Variants in MIB1 observed in about 807,000 individuals in gnomAD.
MIB1 encodes E3 ubiquitin-protein ligase MIB1.
Under a neutral mutation model 124.5 loss-of-function variants are expected in MIB1, and 278 were observed. The observed-to-expected ratio is 2.23, with a 90% CI of 2.02 to 2.47. The LOEUF (loss-of-function observed/expected upper bound fraction) is 2.47. MIB1 is among the 30% of genes most tolerant of loss of function. The pLI is 0.00. For synonymous variants in MIB1, 446 were observed against 429.4 expected (o/e 1.04, Z -0.48); for missense variants, 957 against 1,254.4 (o/e 0.76, Z 3.58).
intron 10 of MIB1, among the ~76,000 whole-genome samples, chr18:21,810,001 TTTAGA>T (rs1389710906): frequency 1.3e-5 from 2 of 152,088 alleles, no homozygotes; most frequent in Non-Finnish European, 2.9e-5. Flanking sequence ...CAAAAAAACT[TTTAGA>T]ACAAATTTAG....
intron 1 of MIB1, among the ~76,000 whole-genome samples, chr18:21,712,470 T>C (rs1217196794): frequency 6.6e-6 from 1 of 152,204 alleles, no homozygotes; most frequent in Non-Finnish European, 1.5e-5. Flanking sequence ...GGAGCTAGAC[T>C]GTCCTTTCAG....
chr18:21,792,078 C>T (rs1416975479), intron 7 of MIB1, among the ~76,000 whole-genome samples: 1 of 152,158 alleles, frequency 6.6e-6, no homozygotes, highest in Non-Finnish European at 1.5e-5. Flanking sequence ...CTTCAACCAT[C>T]CTTCCCTTTC....
At position 21,815,804 on chromosome 18, in the gene MIB1, C is replaced by T; in HGVS notation, c.1668C>T (p.Pro556=). ...CTTTATTGGACTTTGGCTGTCATCCCAGTCTCCAGGTAAAACCTTTAAAGA... is the reference window on the plus strand; with the variant it reads ...CTTTATTGGACTTTGGCTGTCATCCTAGTCTCCAGGTAAAACCTTTAAAGA... ...VKTLLDFGCH[P]SLQDSEGDTP... is the part of the protein sequence containing the mutation. The change falls in exon 11 of 21, where the codon CCC becomes CCT. Residue 556 remains proline (P), a synonymous_variant. Coordinates refer to ENST00000261537, the MANE Select transcript of MIB1 (RefSeq NM_020774.4). The T allele has an allele frequency of 1.9e-6, 3 of 1,614,040 alleles. No individual in the cohort carries two copies. The highest frequency in any genetic ancestry group is 1.7e-6 in the Non-Finnish European group (2 of 1,179,920).
In MIB1 at chr18:21,849,247, C is replaced by CT; in HGVS notation, c.2447dup (p.Leu816PhefsTer39). 1 of 1,608,808 alleles carries CT rather than the reference C, an allele frequency of 6.2e-7. No individual in the cohort carries two copies. The highest frequency in any genetic ancestry group is 8.5e-7 in the Non-Finnish European group (1 of 1,177,544). Reference sequence around the variant, plus strand: ...CTATGATTAGTAATGATTCTGAAACCTTAGAAGAGTGTATGGTGTGCTCAG... The same window carrying CT: ...CTATGATTAGTAATGATTCTGAAACCTTTAGAAGAGTGTATGGTGTGCTCAG... On this transcript the variant is annotated frameshift_variant, in exon 17 of 21. Coordinates refer to ENST00000261537, the MANE Select transcript of MIB1 (RefSeq NM_020774.4). LOFTEE classifies it high-confidence loss of function.
chr18:21,838,891 A>T, intron 13 of MIB1, among the ~76,000 whole-genome samples: 1 of 152,222 alleles, frequency 6.6e-6, no homozygotes, highest in East Asian at 1.9e-4. Flanking sequence ...TGCAGTTTGC[A>T]GCTAAGATCA....
chr18:21,857,779 A>G (rs1296111125), intron 19 of MIB1, among the ~76,000 whole-genome samples: 3 of 152,234 alleles, frequency 2.0e-5, no homozygotes, highest in Non-Finnish European at 4.4e-5. Flanking sequence ...AGTTGTTTCA[A>G]AGTATTTTTT....
chr18:21,857,345 G>C, intron 19 of MIB1, 102 bp downstream of exon 19: 1 of 730,054 alleles, frequency 1.4e-6, no homozygotes, highest in Middle Eastern at 2.5e-4. Context: ...TAAAACCTAA[G>C]ATGTCTGACT....
intron 1 of MIB1, among the ~76,000 whole-genome samples, chr18:21,718,556 A>G (rs1322796040): frequency 6.6e-6 from 1 of 152,214 alleles, no homozygotes; most frequent in Non-Finnish European, 1.5e-5. Context: ...CTGACTGCAA[A>G]CACACAAGAG....
chr18:21,800,012 G>A, intron 9 of MIB1, 38 bp downstream of exon 9: 1 of 1,563,854 alleles, frequency 6.4e-7, no homozygotes, highest in Non-Finnish European at 8.8e-7. Flanking sequence ...CATACAAAAA[G>A]TAGAATAGTA....
At chr18:21,827,622 A>G (rs1216423978) in intron 12 of MIB1, 3 of 152,080 alleles carry the variant, frequency 2.0e-5, no homozygotes, top group South Asian at 2.1e-4. Context: ...TGTTTTGTGG[A>G]TGATCAGAAG....
chr18:21,754,813 C>T (rs2041012764), intron 1 of MIB1, among the ~76,000 whole-genome samples: 1 of 152,180 alleles, frequency 6.6e-6, no homozygotes, highest in Non-Finnish European at 1.5e-5. Flanking sequence ...ATGGAAACGG[C>T]ACTAAATTTG....
chr18:21,753,049 A>G (rs2040992650), intron 1 of MIB1, among the ~76,000 whole-genome samples: 2 of 152,064 alleles, frequency 1.3e-5, no homozygotes, highest in South Asian at 4.1e-4. Flanking sequence ...CTACCCCAAT[A>G]CTGTGCTTTT....
At chr18:21,778,347 CAG>C (rs1279845452) in intron 5 of MIB1, among the ~76,000 whole-genome samples, 178 bp downstream of exon 5, 1 of 152,126 alleles carries the variant, frequency 6.6e-6, no homozygotes, top group Non-Finnish European at 1.5e-5. Flanking sequence ...TATTTGGACT[CAG>C]AGTTGTCATG....
chr18:21,861,643 A>T (rs1299342839), intron 20 of MIB1, among the ~76,000 whole-genome samples: 1 of 149,606 alleles, frequency 6.7e-6, no homozygotes, highest in African/African-American at 2.5e-5. Context: ...ACTCCCTTCA[A>T]GGTTATTAAA....
chr18:21,773,219 G>A (rs532743928), intron 3 of MIB1, among the ~76,000 whole-genome samples: 74 of 152,142 alleles, frequency 4.9e-4, no homozygotes, highest in Non-Finnish European at 8.5e-4. Context: ...AGCCAGGATC[G>A]CACCACTGCA....
Position 21,798,168 on chromosome 18 carries a change from AAT to A in MIB1, c.1178_1179del (p.Asn393ThrfsTer15). ...AGTTTGTGGAACATCTTGGACATAC[AAT>A]CCAGCAGCAGTTTCCAAGGTGGCAT... The part of the protein sequence containing the change: ...VEVCGTSWTY[N>X]PAAVSKVASA... On this transcript the variant is annotated frameshift_variant, in exon 8 of 21. Transcript: ENST00000261537. LOFTEE classifies it high-confidence loss of function. 2 of 1,613,392 alleles carry A rather than the reference AAT, an allele frequency of 1.2e-6. No homozygotes were observed. Among genetic ancestry groups the A allele is most frequent in the Non-Finnish European group, 1.7e-6 (2 of 1,179,478 alleles).
intron 12 of MIB1, among the ~76,000 whole-genome samples, chr18:21,821,957 A>C (rs1009263640): frequency 6.6e-6 from 1 of 152,052 alleles, no homozygotes; most frequent in Non-Finnish European, 1.5e-5. Context: ...GTTTATTACT[A>C]TGTGCACTTC....
chr18:21,724,340 G>T (rs980610449), intron 1 of MIB1: 2 of 152,048 alleles, frequency 1.3e-5, no homozygotes, highest in African/African-American at 2.4e-5. Context: ...TACTTGAAGA[G>T]AATGCCAAAA....
chr18:21,827,867 C>CA (rs2041940177), intron 12 of MIB1: 1 of 151,774 alleles, frequency 6.6e-6, no homozygotes, highest in South Asian at 2.1e-4. Flanking sequence ...ATTTCTGATA[C>CA]AAAAAATTTA....
Sources: gnomAD v4.1 joint callset for allele counts (sites outside exome capture counted in the v4.1 genomes callset) on GRCh38, gnomAD v4.1.1 for gene constraint, MANE v1.5 for transcripts, NCBI Gene and HGNC (gene_info 2026-07-23, HGNC 2026-07-21) for gene names.